TG: variants seen among roughly 807,000 people sequenced by gnomAD.
TG encodes the protein thyroid hormones.
Under a neutral mutation model 324.7 loss-of-function variants are expected in TG, and 270 were observed. The observed-to-expected ratio is 0.83, with a 90% CI of 0.75 to 0.92. The LOEUF (loss-of-function observed/expected upper bound fraction) is 0.92. Ranked by LOEUF, TG falls within the 40% of genes least tolerant of loss-of-function variation. The pLI is 0.00. For synonymous variants in TG, 1,401 were observed against 1,327.0 expected (o/e 1.06, Z -1.21); for missense variants, 3,591 against 3,456.4 (o/e 1.04, Z -0.98).
At chr8:133,094,911 G>GC in intron 41 of TG, 133 bp from the exon 42 acceptor site, 1 of 1,182,094 alleles carries the variant, frequency 8.5e-7, no homozygotes, top group Non-Finnish European at 1.3e-6. Flanking sequence ...ATTGTGTGCA[G>GC]CCCCAGAATG....
At chr8:132,936,708 C>G (rs1056991829) in intron 25 of TG, among the ~76,000 whole-genome samples, 2 of 152,162 alleles carry the variant, frequency 1.3e-5, no homozygotes, top group African/African-American at 2.4e-5. Context: ...GGTCTGCGCT[C>G]GCTCTTCTGC....
At chr8:132,976,423 G>A (rs748144376) in intron 34 of TG, among the ~76,000 whole-genome samples, 4 of 152,198 alleles carry the variant, frequency 2.6e-5, no homozygotes, top group Non-Finnish European at 5.9e-5. Context: ...TCTCATTACT[G>A]TTGCAATGGC....
chr8:132,953,738 T>C (rs1221584470), intron 27 of TG, among the ~76,000 whole-genome samples: 2 of 152,164 alleles, frequency 1.3e-5, no homozygotes, highest in Non-Finnish European at 2.9e-5. Context: ...AGATTTTGCT[T>C]CACTTGGTAA....
intron 26 of TG, among the ~76,000 whole-genome samples, chr8:132,947,290 A>G (rs1244838326): frequency 1.3e-5 from 2 of 152,240 alleles, no homozygotes; most frequent in Non-Finnish European, 2.9e-5. Flanking sequence ...ACCAAGTCAG[A>G]AACTCTGTGG....
At chr8:132,879,039 C>T (rs183684849) in intron 5 of TG, among the ~76,000 whole-genome samples, 1 of 152,216 alleles carries the variant, frequency 6.6e-6, no homozygotes, top group African/African-American at 2.4e-5. Context: ...CATGACAGAA[C>T]CCCTGTTCCC....
intron 24 of TG, among the ~76,000 whole-genome samples, chr8:132,934,101 G>C (rs767810759): frequency 1.3e-5 from 2 of 152,204 alleles, no homozygotes; most frequent in Non-Finnish European, 2.9e-5. Flanking sequence ...GGGAGGCCTA[G>C]GCGGGTGGAT....
At chr8:133,009,644 G>A (rs1834326953) in intron 35 of TG, among the ~76,000 whole-genome samples, 1 of 151,818 alleles carries the variant, frequency 6.6e-6, no homozygotes, top group African/African-American at 2.4e-5. Context: ...AAAAGGTGGG[G>A]CCTTTGGGCA....
chr8:133,003,412 T>TTA (rs1833732665), intron 35 of TG, among the ~76,000 whole-genome samples: 3 of 133,542 alleles, frequency 2.2e-5, no homozygotes, highest in African/African-American at 9.4e-5. Context: ...GGATACTTAT[T>TTA]TTTTTTTTTT....
chr8:132,952,513 G>T (rs965510586), intron 27 of TG, among the ~76,000 whole-genome samples: 1 of 152,164 alleles, frequency 6.6e-6, no homozygotes, highest in Non-Finnish European at 1.5e-5. Flanking sequence ...CCCAACAGAG[G>T]CACCTATGGG....
intron 31 of TG, among the ~76,000 whole-genome samples, chr8:132,968,509 A>G (rs1406759686): frequency 6.6e-6 from 1 of 152,074 alleles, no homozygotes. Context: ...ATTTTTTTTA[A>G]CCCCATACAG....
intron 36 of TG, 118 bp from the exon 37 acceptor site, chr8:133,013,482 G>T: frequency 7.9e-7 from 1 of 1,265,864 alleles, no homozygotes. Flanking sequence ...TGATTGGATA[G>T]AAGGATGGAT....
chr8:133,011,833 A>G, intron 35 of TG, 68 bp from the exon 36 acceptor site: 1 of 1,610,934 alleles, frequency 6.2e-7, no homozygotes, highest in South Asian at 1.1e-5. Flanking sequence ...ATATTGGGTA[A>G]TACACGGCTG....
At chr8:133,056,162 T>A (rs1341086784) in intron 41 of TG, among the ~76,000 whole-genome samples, 2 of 152,184 alleles carry the variant, frequency 1.3e-5, no homozygotes, top group Non-Finnish European at 2.9e-5. Flanking sequence ...AATGTCTTTT[T>A]AAAAATTAAT....
In TG at chr8:133,022,158, G is replaced by T; in HGVS notation, c.7036+8G>T. On this transcript the variant is annotated splice_region_variant and intron_variant, in intron 40 of 47. Coordinates refer to ENST00000220616, the MANE Select transcript of TG (RefSeq NM_003235.5). ...TCGGCTTCCTGAGTTCTGGTGAGTT[G>T]CTGCCTCTGGTGGGAGCTGCTGACC... is the stretch of plus-strand genomic sequence containing the variant. The T allele has an allele frequency of 6.2e-7, 1 of 1,613,860 alleles. No individual in the cohort carries two copies. The highest frequency in any genetic ancestry group is 8.5e-7 in the Non-Finnish European group (1 of 1,179,918).
At chr8:132,881,773 G>C in intron 5 of TG, 90 bp from the exon 6 acceptor site, 1 of 862,348 alleles carries the variant, frequency 1.2e-6, no homozygotes, top group Non-Finnish European at 2.0e-6. Context: ...CTTTTCACTA[G>C]GCGTGGACTT....
At chr8:132,958,357 GTCTATCTATCTA>G (rs34949600) in intron 27 of TG, among the ~76,000 whole-genome samples, 113,574 of 151,236 alleles carry the variant, frequency 0.75, 42,991 homozygotes, top group African/African-American at 0.83. Context: ...CTATCTATCT[GTCTATCTATCTA>G]TCTATCTATC....
chr8:133,130,952 T>G (rs966914381), intron 45 of TG, among the ~76,000 whole-genome samples: 1 of 152,164 alleles, frequency 6.6e-6, no homozygotes, highest in African/African-American at 2.4e-5. Context: ...CTATTAACCC[T>G]GGGCCTCCTG....
chr8:133,103,535 A>G (rs906774842), intron 43 of TG, among the ~76,000 whole-genome samples: 2 of 152,192 alleles, frequency 1.3e-5, no homozygotes, highest in Non-Finnish European at 2.9e-5. Context: ...GTATTTCATG[A>G]CTGCATTGTT....
chr8:132,913,384 T>A, intron 20 of TG, 119 bp downstream of exon 20: 1 of 1,076,694 alleles, frequency 9.3e-7, no homozygotes, highest in Non-Finnish European at 1.4e-6. Flanking sequence ...ATCCATTTAG[T>A]TAACGAGCAA....
Sources: gnomAD v4.1 joint callset for allele counts (sites outside exome capture counted in the v4.1 genomes callset) on GRCh38, gnomAD v4.1.1 for gene constraint, MANE v1.5 for transcripts, NCBI Gene and HGNC (gene_info 2026-07-23, HGNC 2026-07-21) for gene names.